The following MYO5C variants were observed in gnomAD, a reference collection of about 807,000 sequenced individuals.
The protein encoded by MYO5C is unconventional myosin-Vc.
In MYO5C, 194 loss-of-function variants were observed where a neutral mutation model predicts 235.7. The ratio of observed to expected loss-of-function variants is 0.82; its 90% CI spans 0.73 to 0.93. The LOEUF is 0.93. Among genes scored for constraint, MYO5C ranks in the 40% least tolerant of loss-of-function variants. The probability of loss-of-function intolerance (pLI) is 0.00; values close to 1 mark genes in which losing one functional copy is unlikely to be tolerated. For missense variants in MYO5C, 2,038 were observed against 2,127.2 expected (o/e 0.96, Z 0.82); for synonymous variants, 707 against 754.8 (o/e 0.94, Z 1.04).
intron 30 of MYO5C, among the ~76,000 whole-genome samples, 193 bp from the exon 31 acceptor site, chr15:52,220,015 A>C (rs1392166844): frequency 6.6e-6 from 1 of 152,204 alleles, no homozygotes; most frequent in Non-Finnish European, 1.5e-5. Context: ...ATAGCTGATG[A>C]GCTGAAAAAC....
At chr15:52,241,143 G>A (rs1281134793) in intron 20 of MYO5C, among the ~76,000 whole-genome samples, 3 of 150,912 alleles carry the variant, frequency 2.0e-5, no homozygotes, top group Non-Finnish European at 4.4e-5. Context: ...TAGAAAACTT[G>A]TTCAATTTTA....
In MYO5C at chr15:52,265,908, G is replaced by C. The variant is rs60385092; in HGVS notation, c.941-1612C>G. Among the ~76,000 whole-genome samples, 237 of 152,332 alleles carry C rather than the reference G, an allele frequency of 1.6e-3. 1 individual carries two copies. Among genetic ancestry groups the C allele is most frequent in the African/African-American group, 5.6e-3 (234 of 41,582 alleles). ...ATCCAAGAACACAGGGAAGACTCCA[G>C]CTCCAGCTGAGTCCAGGCACTTGCT... On this transcript the variant is annotated intron_variant, in intron 8 of 40. Coordinates refer to ENST00000261839, the MANE Select transcript of MYO5C (RefSeq NM_018728.4).
intron 13 of MYO5C, 113 bp from the exon 14 acceptor site, chr15:52,248,896 C>T (rs1255214873): frequency 3.1e-5 from 23 of 740,808 alleles, no homozygotes; most frequent in Admixed American, 1.9e-4. Context: ...CAGAGGCAAT[C>T]TTACAAAAAG....
chr15:52,229,106 C>A, intron 25 of MYO5C, 27 bp downstream of exon 25: 1 of 1,612,052 alleles, frequency 6.2e-7, no homozygotes, highest in African/African-American at 1.3e-5. Context: ...AACCAGAGGG[C>A]GGGGCTGAAC....
At chr15:52,233,913 A>G (rs1408100362) in intron 23 of MYO5C, among the ~76,000 whole-genome samples, 1 of 152,198 alleles carries the variant, frequency 6.6e-6, no homozygotes, top group Non-Finnish European at 1.5e-5. Context: ...AATTCTCCAA[A>G]TTACTTTTTT....
intron 15 of MYO5C, 46 bp from the exon 16 acceptor site, chr15:52,247,060 C>T (rs1350203881): frequency 6.6e-7 from 1 of 1,523,532 alleles, no homozygotes; most frequent in Non-Finnish European, 9.0e-7. Context: ...AAATAATTTA[C>T]TGCTTACATC....
At chr15:52,237,924 C>CT (rs1020740827) in intron 21 of MYO5C, among the ~76,000 whole-genome samples, 2 of 151,848 alleles carry the variant, frequency 1.3e-5, no homozygotes, top group East Asian at 1.9e-4. Context: ...ACTGTGCCCC[C>CT]CGCCAAAATT....
At chr15:52,209,858 T>A (rs1424094688) in intron 35 of MYO5C, among the ~76,000 whole-genome samples, 1 of 152,164 alleles carries the variant, frequency 6.6e-6, no homozygotes, top group Non-Finnish European at 1.5e-5. Context: ...TCCAGATAAA[T>A]AATGAATTCA....
At position 52,237,562 on chromosome 15, in the gene MYO5C, C is replaced by T. The variant is rs1596175489; in HGVS notation, c.2788G>A (p.Glu930Lys). The change falls in exon 22 of 41, where the codon GAA becomes AAA. Residue 930 changes from glutamate to lysine, a missense_variant. Physicochemically the swap from Glu to Lys is moderately conservative, Grantham distance 56. Transcript: ENST00000261839. Reference protein sequence around the residue: ...AGDVEKIQKLEAELEKAATHR... With the variant: ...AGDVEKIQKLKAELEKAATHR... ...GTGGCTGCTTTTTCTAGTTCTGCTT[C>T]CAGCTTCTGAATCTTTTCCACATCC... 8 of 1,614,186 alleles carry T rather than the reference C, an allele frequency of 5.0e-6. No homozygotes were observed. Among genetic ancestry groups the T allele is most frequent in the Non-Finnish European group, 5.1e-6 (6 of 1,180,042 alleles).
At chr15:52,231,714 A>C (rs1456313787) in intron 24 of MYO5C, among the ~76,000 whole-genome samples, 1 of 152,138 alleles carries the variant, frequency 6.6e-6, no homozygotes, top group Non-Finnish European at 1.5e-5. Context: ...GGCAGCCCTG[A>C]GCTTCCTAGC....
intron 21 of MYO5C, among the ~76,000 whole-genome samples, chr15:52,239,148 G>T (rs947731752): frequency 6.6e-6 from 1 of 151,782 alleles, no homozygotes; most frequent in Admixed American, 6.6e-5. Context: ...ACGGGATTTC[G>T]CAATGTTGGT....
In MYO5C at chr15:52,279,590, G is replaced by C; in HGVS notation, c.223C>G (p.Leu75Val). ...ACCGCGGGCTCGTGAAGATAGCTGAGAGCCGTGAGGTCATTCTCGCCCACG... is the reference window on the plus strand; with the variant it reads ...ACCGCGGGCTCGTGAAGATAGCTGACAGCCGTGAGGTCATTCTCGCCCACG... ...ILVGENDLTALSYLHEPAVLH... is the reference protein window; with the variant it reads ...ILVGENDLTAVSYLHEPAVLH... The change falls in exon 3 of 41, where the codon CTC (leucine) becomes GTC (valine). Residue 75 changes from leucine to valine, a missense_variant. By Grantham distance (32) the Leu-to-Val change is conservative. Coordinates refer to ENST00000261839, the MANE Select transcript of MYO5C (RefSeq NM_018728.4). 6.2e-7 allele frequency: 1 copy of C among 1,614,194 alleles called. No homozygotes were observed. The highest frequency in any genetic ancestry group is 1.1e-5 in the South Asian group (1 of 91,080).
intron 4 of MYO5C, 40 bp from the exon 5 acceptor site, chr15:52,275,758 A>G (rs2037035070): frequency 1.2e-6 from 2 of 1,600,728 alleles, no homozygotes; most frequent in African/African-American, 2.7e-5. Flanking sequence ...GTTTCTTCCC[A>G]TTAAAGAGGC....
At chr15:52,291,731 G>GTTTTTTTTTT (rs1196328559) in intron 1 of MYO5C, among the ~76,000 whole-genome samples, 1,735 of 52,446 alleles carry the variant, frequency 0.033, 446 homozygotes, top group Non-Finnish European at 0.044. Context: ...CATATTTTAT[G>GTTTTTTTTTT]TTTTTTTTTT....
Position 52,196,411 on chromosome 15 carries a change from C to T in MYO5C, c.4893G>A (p.Leu1631=). The T allele has an allele frequency of 6.2e-7, 1 of 1,614,124 alleles. No homozygotes were observed. Among genetic ancestry groups the T allele is most frequent in the Non-Finnish European group, 8.5e-7 (1 of 1,180,014 alleles). ...NLQNSLAKET[L]EPLSQAAWLL... Reference sequence around the variant, plus strand: ...ACCAGGCTGCCTGAGAGAGGGGCTCCAAAGTTTCCTTTGCTAAGCTGTTCT... The same window carrying T: ...ACCAGGCTGCCTGAGAGAGGGGCTCTAAAGTTTCCTTTGCTAAGCTGTTCT... The change falls in exon 39 of 41, where the codon TTG becomes TTA. Residue 1631 remains leucine (L), a synonymous_variant. Coordinates refer to ENST00000261839, the MANE Select transcript of MYO5C (RefSeq NM_018728.4).
At position 52,208,368 on chromosome 15, in the gene MYO5C, G is replaced by C. The variant is rs556073800; in HGVS notation, c.4386+186C>G. On this transcript the variant is annotated intron_variant, in intron 36 of 40. Transcript: ENST00000261839. ...AAGTAATGGAGACCTAGGAGGCCTA[G>C]TACCATGCCCAAAATCTAAGCTGCT... Among the ~76,000 whole-genome samples the C allele has an allele frequency of 4.6e-5, 7 of 152,316 alleles. No individual in the cohort carries two copies. In the South Asian group the frequency reaches 1.5e-3, roughly 32 times the overall value.
rs1355810914 is a variant in MYO5C at position 52,232,221 on chromosome 15, T to G, written c.3026+401A>C. Among the ~76,000 whole-genome samples, 23 of 21,096 alleles carry G rather than the reference T, an allele frequency of 1.1e-3. 1 individual carries two copies. Among genetic ancestry groups the G allele is most frequent in the East Asian group, 4.4e-3 (4 of 912 alleles). 13.8% of individuals were successfully genotyped at this position (21,096 alleles called of 152,430 possible). A position where few individuals can be genotyped will look rare whatever the true frequency, so the allele number is the denominator to read the frequency against. The stretch of plus-strand genomic sequence containing the variant: ...AAGGAAGGAAGGAAAAGAAAGAAAA[T>G]GAAAGAAAGAAGAAAGAAAGAAGGA... On this transcript the variant is annotated intron_variant, in intron 24 of 40. Coordinates refer to ENST00000261839, the MANE Select transcript of MYO5C (RefSeq NM_018728.4).
intron 30 of MYO5C, among the ~76,000 whole-genome samples, chr15:52,220,740 T>G (rs981463321): frequency 6.7e-6 from 1 of 150,036 alleles, no homozygotes; most frequent in Non-Finnish European, 1.5e-5. Flanking sequence ...GGCAGGAGAA[T>G]CACTTGAACC....
chr15:52,257,729 A>G (rs1372233145), intron 10 of MYO5C, among the ~76,000 whole-genome samples: 1 of 152,200 alleles, frequency 6.6e-6, no homozygotes, highest in African/African-American at 2.4e-5. Context: ...GTGAGGACCA[A>G]CAGCCAGCAA....
Sources: allele counts gnomAD v4.1 joint callset (sites outside exome capture counted in the v4.1 genomes callset), GRCh38; gene constraint gnomAD v4.1.1; transcripts MANE v1.5; gene names NCBI Gene and HGNC (gene_info 2026-07-23, HGNC 2026-07-21).